Variants in PCDHGA3 observed in about 807,000 individuals in gnomAD.
The protein encoded by PCDHGA3 is protocadherin gamma-A3.
PCDHGA3 carries 40 observed loss-of-function variants against 58.5 expected under a neutral mutation model. That is an observed-to-expected ratio of 0.68 (90% CI 0.53 to 0.89). PCDHGA3 has a LOEUF of 0.89. Among genes scored for constraint, PCDHGA3 ranks in the 40% least tolerant of loss-of-function variants. PCDHGA3 has a pLI of 0.00. For synonymous variants in PCDHGA3, 530 were observed against 525.7 expected (o/e 1.01, Z -0.11); for missense variants, 1,223 against 1,195.9 (o/e 1.02, Z -0.33).
chr5:141,386,970 C>T (rs767088472), intron 1 of PCDHGA3, among the ~76,000 whole-genome samples: 17 of 152,108 alleles, frequency 1.1e-4, no homozygotes, highest in Non-Finnish European at 2.1e-4. Flanking sequence ...ATCTCAGTGA[C>T]TTTGTGTTTT....
chr5:141,476,049 C>T lies in PCDHGA3; in HGVS notation c.2425-18758C>T. 2.0e-6 allele frequency: 3 copies of T among 1,501,848 alleles called. No homozygotes were observed. The South Asian group carries it at 4.0e-5, about 20-fold the overall frequency. 93.0% of individuals were successfully genotyped at this position (1,501,848 alleles called of 1,614,324 possible). ...CGCCCAGCGCCCAAGCGCTAACCCG[C>T]TGAAAGTTTCTCAGCGAAATCTCAG... On this transcript the variant is annotated intron_variant, in intron 1 of 3. Coordinates refer to ENST00000253812, the MANE Select transcript of PCDHGA3 (RefSeq NM_018916.4). This position sits in a 1 kb window ranked among gnomAD's most constrained non-coding sequence, Gnocchi z 7.6.
chr5:141,395,546 G>GTT (rs2093266838), intron 1 of PCDHGA3: 4 of 32,300 alleles, frequency 1.2e-4, no homozygotes, highest in African/African-American at 9.9e-4. Context: ...TATTGTTTGT[G>GTT]TGTGTGTGTG....
chr5:141,407,798 A>T (rs2094982737), intron 1 of PCDHGA3, among the ~76,000 whole-genome samples: 1 of 152,256 alleles, frequency 6.6e-6, no homozygotes, highest in Non-Finnish European at 1.5e-5. Context: ...AACACAAAGC[A>T]TAGAAATATC....
chr5:141,500,571 C>T (rs1171231755), intron 2 of PCDHGA3, among the ~76,000 whole-genome samples: 1 of 152,196 alleles, frequency 6.6e-6, no homozygotes, highest in African/African-American at 2.4e-5. Context: ...GTCACACTTT[C>T]ATGTGACACT....
At position 141,425,713 on chromosome 5, in the gene PCDHGA3, C is replaced by T. The variant is rs191037499; in HGVS notation, c.2425-69094C>T. 3.9e-4 allele frequency among the ~76,000 whole-genome samples: 60 copies of T among 152,312 alleles called. No homozygotes were observed. In the East Asian group the frequency reaches 6.7e-3, roughly 17 times the overall value. On this transcript the variant is annotated intron_variant, in intron 1 of 3. Transcript: ENST00000253812. ...CATTTCATAGTGGTCAAAATTTTCC[C>T]ATACCACTTGATGGGGATGTTTTCC...
At chr5:141,400,799 G>C (rs2094077749) in intron 1 of PCDHGA3, 1 of 553,376 alleles carries the variant, frequency 1.8e-6, no homozygotes, top group Non-Finnish European at 3.2e-6. Flanking sequence ...CTTTCTCAAA[G>C]CTAATGAATT....
chr5:141,410,849 C>G, intron 1 of PCDHGA3: 1 of 136,716 alleles, frequency 7.3e-6, no homozygotes, highest in Non-Finnish European at 1.2e-5. Flanking sequence ...TTGTCTTTGT[C>G]TTTTTTTTTT....
At chr5:141,473,470 A>G (rs555568617) in intron 1 of PCDHGA3, among the ~76,000 whole-genome samples, 2 of 151,816 alleles carry the variant, frequency 1.3e-5, no homozygotes, top group South Asian at 4.2e-4. Flanking sequence ...AGTTGTGCCA[A>G]GTTCAATGGA....
intron 1 of PCDHGA3, chr5:141,356,661 CACTT>C: frequency 6.2e-7 from 1 of 1,614,052 alleles, no homozygotes; most frequent in African/African-American, 1.3e-5. Context: ...ATGCCCGAAT[CACTT>C]ACTCCCTGGC....
At chr5:141,408,990 A>T (rs1554103244) in intron 1 of PCDHGA3, 1 of 1,613,984 alleles carries the variant, frequency 6.2e-7, no homozygotes, top group South Asian at 1.1e-5. Flanking sequence ...CCTGTGTTGC[A>T]AGTGACAGCC....
chr5:141,368,261 C>A (rs1765551887), intron 1 of PCDHGA3, among the ~76,000 whole-genome samples: 1 of 152,202 alleles, frequency 6.6e-6, no homozygotes, highest in African/African-American at 2.4e-5. Flanking sequence ...TTAATTGACA[C>A]ATTAAAGAAC....
At chr5:141,376,491 A>T in intron 1 of PCDHGA3, 2 of 1,614,114 alleles carry the variant, frequency 1.2e-6, no homozygotes, top group Non-Finnish European at 1.7e-6. Context: ...ACGAAAGGAG[A>T]ACCCAGGCAA....
chr5:141,345,644 C>A lies in PCDHGA3; in HGVS notation c.1611C>A (p.Ser537Arg). The A allele has an allele frequency of 6.2e-7, 1 of 1,614,206 alleles. No homozygotes were observed. The highest frequency in any genetic ancestry group is 8.5e-7 in the Non-Finnish European group (1 of 1,180,040). Residue 537 changes from serine (S) to arginine (R), a missense_variant, in exon 1 of 4, where the codon AGC becomes AGA. Ser to Arg is a moderately radical substitution (Grantham distance 110, BLOSUM62 -1). This residue lies in a region of PCDHGA3 where 791 missense variants were observed against 708.5 expected (regional missense o/e 1.12). Transcript: ENST00000253812. Reference protein sequence around the residue: ...DLKLLVTASDSGNPPLSSNVS... With the variant: ...DLKLLVTASDRGNPPLSSNVS... ...AGCTACTGGTGACAGCCAGCGACAGCGGGAACCCTCCACTCAGCAGCAACG... is the reference window on the plus strand; with the variant it reads ...AGCTACTGGTGACAGCCAGCGACAGAGGGAACCCTCCACTCAGCAGCAACG...
At position 141,427,736 on chromosome 5, in the gene PCDHGA3, A is replaced by G. The variant is rs781594851; in HGVS notation, c.2425-67071A>G. 3.3e-6 allele frequency: 4 copies of G among 1,214,562 alleles called. No individual in the cohort carries two copies. In the South Asian group the frequency reaches 4.9e-5, roughly 15 times the overall value. The allele number at this position is 1,214,562 out of a possible 1,614,324, so 75.2% of individuals were successfully genotyped here. ...ACCTGGACCTAGGGCTGAATGGCCA[A>G]GTCTCCTACTCCATCGTTACCACTG... On this transcript the variant is annotated intron_variant, in intron 1 of 3. Coordinates refer to ENST00000253812, the MANE Select transcript of PCDHGA3 (RefSeq NM_018916.4).
Position 141,486,979 on chromosome 5 carries a change from C to T in PCDHGA3, c.2425-7828C>T. On this transcript the variant is annotated intron_variant, in intron 1 of 3. Transcript: ENST00000253812. This position sits in a 1 kb window ranked among gnomAD's most constrained non-coding sequence, Gnocchi z 5.0. ...CTGCTGTGGACTTGGATTCAGGTTACAATGCTTGGGTTTCCTATCAGCTCC... is the reference window on the plus strand; with the variant it reads ...CTGCTGTGGACTTGGATTCAGGTTATAATGCTTGGGTTTCCTATCAGCTCC... 6.2e-7 allele frequency: 1 copy of T among 1,614,200 alleles called. No individual in the cohort carries two copies. Among genetic ancestry groups the T allele is most frequent in the Non-Finnish European group, 8.5e-7 (1 of 1,180,032 alleles).
rs750182814 is a variant in PCDHGA3, at chr5:141,375,970, G to T, written c.2424+29513G>T. 15 of 1,613,334 alleles carry T rather than the reference G, an allele frequency of 9.3e-6. No homozygotes were observed. The South Asian group carries it at 1.6e-4, about 18-fold the overall frequency. Reference sequence around the variant, plus strand: ...TGCACACGGGCGAGGTGCGCACGGCGCGCGCCCTGCTGGACAGAGACGCGC... The same window carrying T: ...TGCACACGGGCGAGGTGCGCACGGCTCGCGCCCTGCTGGACAGAGACGCGC... On this transcript the variant is annotated intron_variant, in intron 1 of 3. Transcript: ENST00000253812.
At position 141,491,196 on chromosome 5, in the gene PCDHGA3, T is replaced by C. The variant is rs899789155; in HGVS notation, c.2425-3611T>C. ...TGGTGGTCCTGGTGAGGGACAATGGTGACCCTTCACTCTCCTCCACAGCCA... is the reference window on the plus strand; with the variant it reads ...TGGTGGTCCTGGTGAGGGACAATGGCGACCCTTCACTCTCCTCCACAGCCA... On this transcript the variant is annotated intron_variant, in intron 1 of 3. Transcript: ENST00000253812. The surrounding 1 kb of genome is among the most constrained non-coding windows in gnomAD (Gnocchi z 6.9). The C allele has an allele frequency of 6.8e-6, 11 of 1,614,186 alleles. No homozygotes were observed. The highest frequency in any genetic ancestry group is 9.3e-6 in the Non-Finnish European group (11 of 1,180,030).
rs777314784 is a variant in PCDHGA3, at chr5:141,432,669, C to A, written c.2425-62138C>A. On this transcript the variant is annotated intron_variant, in intron 1 of 3. Transcript: ENST00000253812. The surrounding 1 kb of genome is among the most constrained non-coding windows in gnomAD (Gnocchi z 6.0). ...GCGCGAGCCCTGCTGGACAGAGACG[C>A]GCTCAAGCAGAGCCTCGTAGTGGCC... 1 of 1,613,894 alleles carries A rather than the reference C, an allele frequency of 6.2e-7. No homozygotes were observed. Among genetic ancestry groups the A allele is most frequent in the Non-Finnish European group, 8.5e-7 (1 of 1,179,950 alleles).
At chr5:141,471,801 CAT>C (rs1165290367) in intron 1 of PCDHGA3, among the ~76,000 whole-genome samples, 1 of 152,114 alleles carries the variant, frequency 6.6e-6, no homozygotes, top group African/African-American at 2.4e-5. Context: ...ATATAAAAGA[CAT>C]ATAAAAGACT....
Sources: allele counts gnomAD v4.1 joint callset (sites outside exome capture counted in the v4.1 genomes callset), GRCh38; gene constraint gnomAD v4.1.1; regional missense constraint gnomAD v4.1.1; non-coding constraint Gnocchi (gnomAD v3.1); transcripts MANE v1.5; gene names NCBI Gene and HGNC (gene_info 2026-07-23, HGNC 2026-07-21).